The following LRP2 variants were observed in gnomAD, a reference collection of about 807,000 sequenced individuals.
LRP2 encodes LDL receptor related protein 2, also known as low-density lipoprotein receptor-related protein 2.
A neutral mutation model predicts 531.0 loss-of-function variants in LRP2; 172 were observed. The observed-to-expected ratio is 0.32, with a 90% confidence interval of 0.29 to 0.37. The LOEUF (loss-of-function observed/expected upper bound fraction) is 0.37, where lower values mean the gene tolerates loss of function less well. Ranked by LOEUF, LRP2 falls within the 10% of genes least tolerant of loss-of-function variation. The pLI, the probability that LRP2 is intolerant of heterozygous loss-of-function variation, is 1.00. For synonymous variants in LRP2, 1,992 were observed against 2,027.6 expected (o/e 0.98, Z 0.47); for missense variants, 5,167 against 5,868.3 (o/e 0.88, Z 3.90).
At chr2:169,174,303 C>T in intron 55 of LRP2, 139 bp from the exon 56 acceptor site, 1 of 992,032 alleles carries the variant, frequency 1.0e-6, no homozygotes, top group South Asian at 1.5e-5. Context: ...TCAGTCAGTA[C>T]TACTACATGG....
intron 13 of LRP2, among the ~76,000 whole-genome samples, chr2:169,277,193 CAAAAAAA>C: frequency 1.1e-5 from 1 of 88,120 alleles, no homozygotes. Context: ...GACTCCATCT[CAAAAAAA>C]AAAAAAAAAA....
chr2:169,346,323 T>G (rs3770636), intron 1 of LRP2, among the ~76,000 whole-genome samples: 7,125 of 152,262 alleles, frequency 0.047, 297 homozygotes, highest in East Asian at 0.19. Context: ...TGCATTTTGT[T>G]TTTCACTAGA....
chr2:169,349,033 T>A (rs1280540789), intron 1 of LRP2, among the ~76,000 whole-genome samples: 1 of 152,218 alleles, frequency 6.6e-6, no homozygotes, highest in East Asian at 1.9e-4. Context: ...ATTTATTCAA[T>A]GTATATTCAT....
At chr2:169,332,910 C>T (rs1325971717) in intron 1 of LRP2, among the ~76,000 whole-genome samples, 1 of 152,274 alleles carries the variant, frequency 6.6e-6, no homozygotes, top group East Asian at 1.9e-4. Context: ...ACAGTTCATT[C>T]GTTAGATGAA....
chr2:169,244,900 C>T lies in LRP2; in HGVS notation c.3223G>A (p.Gly1075Ser). 1 of 1,614,240 alleles carries T rather than the reference C, an allele frequency of 6.2e-7. No homozygotes were observed. The highest frequency in any genetic ancestry group is 1.6e-4 in the Middle Eastern group (1 of 6,062). The stretch of plus-strand genomic sequence containing the variant: ...TGTGCAGGAATGCACTCCCCATGGC[C>T]ACAGGTGAACGCCGAAGATGAACAG... ...NTCSSSAFTC[G>S]HGECIPAHWR... is the part of the protein sequence containing the mutation. Residue 1075 changes from glycine to serine, a missense_variant, in exon 22 of 79, where the codon GGC (glycine) becomes AGC (serine). Transcript: ENST00000649046.
intron 77 of LRP2, among the ~76,000 whole-genome samples, 198 bp downstream of exon 77, chr2:169,132,376 G>A (rs1685324962): frequency 2.0e-5 from 3 of 152,120 alleles, no homozygotes; most frequent in South Asian, 2.1e-4. Context: ...TTCCCAACTC[G>A]ATGTTAGAAT....
At chr2:169,192,336 A>C (rs1286311001) in intron 47 of LRP2, among the ~76,000 whole-genome samples, 1 of 152,160 alleles carries the variant, frequency 6.6e-6, no homozygotes, top group Non-Finnish European at 1.5e-5. Flanking sequence ...AACCACTACC[A>C]TTTTGTTAAC....
chr2:169,359,276 T>C (rs542323988), intron 1 of LRP2, among the ~76,000 whole-genome samples: 6 of 152,310 alleles, frequency 3.9e-5, no homozygotes, highest in African/African-American at 1.4e-4. Context: ...GTCACACAGC[T>C]AGAAAGTGGT....
At chr2:169,221,354 T>C (rs1436103057) in intron 33 of LRP2, among the ~76,000 whole-genome samples, 2 of 152,168 alleles carry the variant, frequency 1.3e-5, no homozygotes, top group Non-Finnish European at 2.9e-5. Flanking sequence ...ATTATTTTTC[T>C]CAATACAGAT....
Position 169,172,028 on chromosome 2 carries a change from A to G in LRP2, c.11250T>C (p.Asp3750=), listed in dbSNP as rs1415524874. The change falls in exon 58 of 79, where the codon GAT becomes GAC. Residue 3750 remains aspartate, a synonymous_variant. Coordinates refer to ENST00000649046, the MANE Select transcript of LRP2 (RefSeq NM_004525.3). ...GTGAACACTCACCACAGTTTTCCTC[A>G]TCTGAGTTATCTCCACAGTCATTTT... ...DGQNDCGDNS[D]EENCAPRECT... is the part of the protein sequence containing the mutation. 1 of 1,614,148 alleles carries G rather than the reference A, an allele frequency of 6.2e-7. No homozygotes were observed. Among genetic ancestry groups the G allele is most frequent in the Admixed American group, 1.7e-5 (1 of 60,028 alleles).
At chr2:169,304,743 A>G (rs1036844843) in intron 4 of LRP2, among the ~76,000 whole-genome samples, 1 of 152,200 alleles carries the variant, frequency 6.6e-6, no homozygotes, top group African/African-American at 2.4e-5. Flanking sequence ...ATGTCTTTCA[A>G]AAAATAAAGA....
At chr2:169,267,047 C>G (rs1205453684) in intron 16 of LRP2, among the ~76,000 whole-genome samples, 1 of 151,746 alleles carries the variant, frequency 6.6e-6, no homozygotes, top group Non-Finnish European at 1.5e-5. Context: ...GCCACCACAT[C>G]TGGCTAATTT....
chr2:169,139,745 AC>A, intron 72 of LRP2, 135 bp from the exon 73 acceptor site: 2 of 799,124 alleles, frequency 2.5e-6, no homozygotes, highest in Non-Finnish European at 4.4e-6. Context: ...ATCCTGCATG[AC>A]TTTTGTTCAT....
intron 1 of LRP2, among the ~76,000 whole-genome samples, chr2:169,323,132 T>C (rs1293895426): frequency 6.6e-6 from 1 of 152,182 alleles, no homozygotes; most frequent in Admixed American, 6.6e-5. Context: ...TGGGGAAATG[T>C]TGCAATTAAC....
intron 32 of LRP2, among the ~76,000 whole-genome samples, chr2:169,225,840 C>T (rs1689182446): frequency 6.6e-6 from 1 of 152,158 alleles, no homozygotes; most frequent in Non-Finnish European, 1.5e-5. Flanking sequence ...TTGCTCTTTC[C>T]CTATTCTTAC....
Position 169,270,949 on chromosome 2 carries a change from C to T in LRP2, c.2275G>A (p.Asp759Asn), listed in dbSNP as rs1334814371. ...TTAAAAATCATGTGTTTTGACATATCTGAAAAAAAGATAGTGCTGTCCTGG... is the reference window on the plus strand; with the variant it reads ...TTAAAAATCATGTGTTTTGACATATTTGAAAAAAAGATAGTGCTGTCCTGG... ...DAQDSTIFFS[D>N]MSKHMIFKQK... The change falls in exon 16 of 79, where the codon GAT becomes AAT. Residue 759 changes from aspartate (D) to asparagine (N), a missense_variant. Asp to Asn is a conservative substitution (Grantham distance 23). Coordinates refer to ENST00000649046, the MANE Select transcript of LRP2 (RefSeq NM_004525.3). 3.6e-5 allele frequency: 58 copies of T among 1,612,818 alleles called. No individual in the cohort carries two copies. The highest frequency in any genetic ancestry group is 4.9e-5 in the Non-Finnish European group (58 of 1,179,550).
chr2:169,229,416 A>C (rs769629753), intron 31 of LRP2, among the ~76,000 whole-genome samples: 19 of 152,228 alleles, frequency 1.2e-4, no homozygotes, highest in Non-Finnish European at 1.5e-4. Flanking sequence ...CAAGCTGATC[A>C]GCACTGCAGC....
intron 65 of LRP2, 105 bp downstream of exon 65, chr2:169,156,169 A>G: frequency 6.6e-7 from 1 of 1,514,324 alleles, no homozygotes; most frequent in Non-Finnish European, 9.0e-7. Flanking sequence ...AAAAAAAGAA[A>G]GAAAAGAAAA....
At chr2:169,169,620 A>C (rs1686917011) in intron 60 of LRP2, 82 bp downstream of exon 60, 1 of 1,039,062 alleles carries the variant, frequency 9.6e-7, no homozygotes, top group South Asian at 1.3e-5. Context: ...TTTTAATCTA[A>C]GAAGCGGCAG....
Sources: allele counts gnomAD v4.1 joint callset (sites outside exome capture counted in the v4.1 genomes callset), GRCh38; gene constraint gnomAD v4.1.1; transcripts MANE v1.5; gene names NCBI Gene and HGNC (gene_info 2026-07-23, HGNC 2026-07-21).